Variants in GRM7 observed in about 807,000 individuals in gnomAD.
The protein encoded by GRM7 is glutamate metabotropic receptor 7, also known as metabotropic glutamate receptor 7.
A neutral mutation model predicts 84.5 loss-of-function variants in GRM7; 35 were observed. The ratio of observed to expected loss-of-function variants is 0.41; its 90% CI spans 0.32 to 0.55. GRM7 has a LOEUF of 0.55. Among genes scored for constraint, GRM7 ranks in the 20% least tolerant of loss-of-function variants. The pLI is 0.19. For synonymous variants in GRM7, 487 were observed against 455.1 expected (o/e 1.07, Z -0.89); for missense variants, 1,003 against 1,194.6 (o/e 0.84, Z 2.36).
chr3:7,074,952 A>G (rs1698011096), intron 1 of GRM7, among the ~76,000 whole-genome samples: 1 of 152,178 alleles, frequency 6.6e-6, no homozygotes, highest in East Asian at 1.9e-4. Flanking sequence ...GGTTAATAGC[A>G]TTTTCACTGC....
chr3:7,590,266 T>G (rs973360386), intron 8 of GRM7, among the ~76,000 whole-genome samples: 5 of 152,152 alleles, frequency 3.3e-5, no homozygotes, highest in Admixed American at 3.3e-4. Context: ...CTATTACAAT[T>G]ACGACAGTAT....
intron 9 of GRM7, among the ~76,000 whole-genome samples, chr3:7,697,946 G>A (rs559560601): frequency 7.9e-5 from 12 of 152,250 alleles, no homozygotes; most frequent in South Asian, 4.1e-4. Flanking sequence ...CGAACAAATC[G>A]TCTTGTGAGG....
chr3:6,992,358 T>C (rs1324453832), intron 1 of GRM7, among the ~76,000 whole-genome samples: 2 of 152,188 alleles, frequency 1.3e-5, no homozygotes, highest in African/African-American at 2.4e-5. Flanking sequence ...AGAGATAATA[T>C]GCACATACGT....
At chr3:7,598,147 T>C (rs1008767942) in intron 8 of GRM7, among the ~76,000 whole-genome samples, 1 of 152,180 alleles carries the variant, frequency 6.6e-6, no homozygotes, top group Non-Finnish European at 1.5e-5. Context: ...ATCTGACATA[T>C]TGCAGATAAG....
intron 4 of GRM7, among the ~76,000 whole-genome samples, chr3:7,381,591 C>A (rs535168369): frequency 6.6e-6 from 1 of 151,996 alleles, no homozygotes; most frequent in East Asian, 1.9e-4. Context: ...TCCAAAGAGC[C>A]GCCTGACCGT....
chr3:7,376,918 AG>A lies in GRM7; in HGVS notation c.1034-38104del, dbSNP rs1694374682. 5.9e-5 allele frequency among the ~76,000 whole-genome samples: 9 copies of A among 152,332 alleles called. 1 individual carries two copies. Among genetic ancestry groups the A allele is most frequent in the Admixed American group, 5.9e-4 (9 of 15,296 alleles). The stretch of plus-strand genomic sequence containing the variant: ...CTCTGCCTACCAGTGCATCTACAGT[AG>A]TACCACCTCCCCATTTGTGACAACC... On this transcript the variant is annotated intron_variant, in intron 4 of 9. Transcript: ENST00000357716.
intron 1 of GRM7, among the ~76,000 whole-genome samples, chr3:7,104,224 C>CTT (rs147181632): frequency 2.0e-5 from 3 of 150,390 alleles, no homozygotes; most frequent in African/African-American, 2.4e-5. Context: ...CAAAAAGTGC[C>CTT]TTTTTTTTTC....
chr3:7,578,701 A>G lies in GRM7; in HGVS notation c.1795A>G (p.Met599Val). The change falls in exon 8 of 10, where the codon ATG (methionine) becomes GTG (valine). Residue 599 changes from methionine to valine, a missense_variant. Physicochemically the swap from Met to Val is conservative, Grantham distance 21. Around this residue, in one of 2 missense-constraint regions of GRM7, gnomAD observed 910 missense variants for 1,126.0 expected, o/e 0.81. Transcript: ENST00000357716. ...PWAVIPVFLA[M>V]LGIIATIFVM... is the part of the protein sequence containing the mutation. ...GGCTGTGATTCCTGTCTTCCTGGCA[A>G]TGTTGGGGATCATTGCCACCATCTT... 2 of 1,614,084 alleles carry G rather than the reference A, an allele frequency of 1.2e-6. No individual in the cohort carries two copies. Among genetic ancestry groups the G allele is most frequent in the South Asian group, 1.1e-5 (1 of 91,084 alleles).
At chr3:7,141,699 C>G (rs1045922407) in intron 1 of GRM7, among the ~76,000 whole-genome samples, 3 of 150,322 alleles carry the variant, frequency 2.0e-5, no homozygotes, top group African/African-American at 7.3e-5. Flanking sequence ...AAGCTCATAA[C>G]AGCTAAAATA....
chr3:7,359,220 T>TTGTGTGTGTGTGTGTGTGTGTG lies in GRM7; in HGVS notation c.1033+52582_1033+52603dup, dbSNP rs34535570. ...TTACCATTTGGTAGGGTGTTTGTGTTTGTGTGTGTGTGTGTGTGTGTGTGT... is the reference window on the plus strand; with the variant it reads ...TTACCATTTGGTAGGGTGTTTGTGTTTGTGTGTGTGTGTGTGTGTGTGTGTGTGTGTGTGTGTGTGTGTGTGT... On this transcript the variant is annotated intron_variant, in intron 4 of 9. Coordinates refer to ENST00000357716, the MANE Select transcript of GRM7 (RefSeq NM_000844.4). 4.5e-3 allele frequency among the ~76,000 whole-genome samples: 606 copies of TTGTGTGTGTGTGTGTGTGTGTG among 133,230 alleles called. 21 individuals carry two copies. Among genetic ancestry groups the TTGTGTGTGTGTGTGTGTGTGTG allele is most frequent in the South Asian group, 0.012 (53 of 4,272 alleles). 87.4% of individuals were successfully genotyped at this position (133,230 alleles called of 152,430 possible). A position where few individuals can be genotyped will look rare whatever the true frequency, so the allele number is the denominator to read the frequency against.
At chr3:7,595,031 A>G (rs1455609778) in intron 8 of GRM7, among the ~76,000 whole-genome samples, 1 of 152,164 alleles carries the variant, frequency 6.6e-6, no homozygotes, top group African/African-American at 2.4e-5. Flanking sequence ...TCTATTGCAA[A>G]GAAATGATCT....
At chr3:7,081,167 G>A (rs1014041) in intron 1 of GRM7, among the ~76,000 whole-genome samples, 1,931 of 152,038 alleles carry the variant, frequency 0.013, 29 homozygotes, top group African/African-American at 0.042. Context: ...TATGCCTCAC[G>A]TTATTGCATT....
At chr3:7,500,639 A>G (rs989047578) in intron 7 of GRM7, among the ~76,000 whole-genome samples, 11 of 152,222 alleles carry the variant, frequency 7.2e-5, no homozygotes, top group African/African-American at 2.7e-4. Context: ...ACTATGATGG[A>G]TTGGATTGTT....
At chr3:7,141,621 T>C (rs1387315935) in intron 1 of GRM7, among the ~76,000 whole-genome samples, 1 of 151,990 alleles carries the variant, frequency 6.6e-6, no homozygotes, top group Non-Finnish European at 1.5e-5. Context: ...TGATTATCCA[T>C]GATCATGTTT....
chr3:7,717,392 G>A (rs1459051920), intron 9 of GRM7, among the ~76,000 whole-genome samples: 1 of 152,074 alleles, frequency 6.6e-6, no homozygotes, highest in East Asian at 1.9e-4. Context: ...AATTGCACAG[G>A]TGGTTGCGGA....
chr3:7,382,677 GA>G (rs1195462127), intron 4 of GRM7, among the ~76,000 whole-genome samples: 6 of 152,046 alleles, frequency 3.9e-5, no homozygotes, highest in Admixed American at 2.0e-4. Context: ...GGATTGAAAG[GA>G]AAAAAATAAA....
At chr3:7,719,251 C>T (rs748384809) in intron 9 of GRM7, among the ~76,000 whole-genome samples, 8 of 152,138 alleles carry the variant, frequency 5.3e-5, no homozygotes, top group Non-Finnish European at 1.0e-4. Flanking sequence ...CTGGAAGTGT[C>T]TCCAAAAGTA....
intron 1 of GRM7, among the ~76,000 whole-genome samples, chr3:6,903,968 T>C (rs937875421): frequency 6.6e-6 from 1 of 152,176 alleles, no homozygotes; most frequent in Non-Finnish European, 1.5e-5. Context: ...ATAAATGTTA[T>C]GTGTTTTCAT....
At position 7,394,228 on chromosome 3, in the gene GRM7, C is replaced by T. The variant is rs1695116227; in HGVS notation, c.1034-20795C>T. On this transcript the variant is annotated intron_variant, in intron 4 of 9. Coordinates refer to ENST00000357716, the MANE Select transcript of GRM7 (RefSeq NM_000844.4). Reference sequence around the variant, plus strand: ...TCTTGCTCTGTTTTGAACCATTATTCAGCAGACTTCAGTTGGTTCTGCTAT... The same window carrying T: ...TCTTGCTCTGTTTTGAACCATTATTTAGCAGACTTCAGTTGGTTCTGCTAT... 2.6e-5 allele frequency among the ~76,000 whole-genome samples: 4 copies of T among 152,194 alleles called. No homozygotes were observed. In the South Asian group the frequency reaches 8.3e-4, roughly 32 times the overall value.
Sources: gnomAD v4.1 joint callset for allele counts (sites outside exome capture counted in the v4.1 genomes callset) on GRCh38, gnomAD v4.1.1 for gene constraint, gnomAD v4.1.1 regional missense constraint, MANE v1.5 for transcripts, NCBI Gene and HGNC (gene_info 2026-07-23, HGNC 2026-07-21) for gene names.